The following ARSG variants were observed in gnomAD, a reference collection of about 807,000 sequenced individuals.
ARSG encodes the protein arylsulfatase G.
In ARSG, 37 loss-of-function variants were observed where a neutral mutation model predicts 50.5. The ratio of observed to expected loss-of-function variants is 0.73; its 90% CI spans 0.56 to 0.96. ARSG has a LOEUF of 0.96. ARSG is among the 50% of genes least tolerant of loss of function. The pLI is 0.00. For synonymous variants in ARSG, 225 were observed against 254.6 expected (o/e 0.88, Z 1.11); for missense variants, 629 against 675.3 (o/e 0.93, Z 0.76).
the ARSG span, chr17:68,436,348 G>C: frequency 6.3e-7 from 1 of 1,589,590 alleles, no homozygotes. Context: ...GCCAAGGCAG[G>C]TGGGTTGGCT....
chr17:68,399,011 C>T lies in ARSG; in HGVS notation c.1213-2349C>T, dbSNP rs1419869942. ...TGAAGGTGGTAACATCATCACTGGT[C>T]AGGTCGTGTCTTAGCCCCAGGTTGT... On this transcript the variant is annotated intron_variant, in intron 10 of 11. Coordinates refer to ENST00000621439, the MANE Select transcript of ARSG (RefSeq NM_001267727.2). The surrounding 1 kb of genome is among the most constrained non-coding windows in gnomAD (Gnocchi z 4.6). Among the ~76,000 whole-genome samples the T allele has an allele frequency of 6.6e-6, 1 of 152,164 alleles. No homozygotes were observed. Among genetic ancestry groups the T allele is most frequent in the Non-Finnish European group, 1.5e-5 (1 of 68,032 alleles).
At chr17:68,397,420 T>A (rs1447663469) in intron 10 of ARSG, among the ~76,000 whole-genome samples, 1 of 152,146 alleles carries the variant, frequency 6.6e-6, no homozygotes, top group Non-Finnish European at 1.5e-5. Flanking sequence ...TCCCAGAGCA[T>A]GCCTGCAGTG....
rs2075348666 is a variant in ARSG, at chr17:68,271,801, A to G, written c.-552+12375A>G. 1.5e-6 allele frequency: 1 copy of G among 651,344 alleles called. No homozygotes were observed. Among genetic ancestry groups the G allele is most frequent in the Non-Finnish European group, 2.6e-6 (1 of 380,312 alleles). 40.3% of individuals were successfully genotyped at this position (651,344 alleles called of 1,614,324 possible). A position where few individuals can be genotyped will look rare whatever the true frequency, so the allele number is the denominator to read the frequency against. The stretch of plus-strand genomic sequence containing the variant: ...ATACTCAGCAGTATGAATGTACTCA[A>G]TCTTTATTTATTTACTTTTTGAGAC... On this transcript the variant is annotated intron_variant, in intron 1 of 11. Coordinates refer to the ARSG transcript ENST00000448504. This position sits in a 1 kb window ranked among gnomAD's most constrained non-coding sequence, Gnocchi z 5.3.
intron 2 of ARSG, among the ~76,000 whole-genome samples, chr17:68,313,087 C>T (rs2076928478): frequency 6.6e-6 from 1 of 152,062 alleles, no homozygotes; most frequent in South Asian, 2.1e-4. Context: ...TGGTGAAACG[C>T]TGTCACTACT....
chr17:68,306,485 G>A (rs1555764123), intron 1 of ARSG, among the ~76,000 whole-genome samples: 1 of 152,222 alleles, frequency 6.6e-6, no homozygotes, highest in African/African-American at 2.4e-5. Flanking sequence ...TGAGCCAGGA[G>A]TTCAAGACTG....
At chr17:68,325,152 C>T (rs570493230) in intron 2 of ARSG, among the ~76,000 whole-genome samples, 17 of 152,278 alleles carry the variant, frequency 1.1e-4, no homozygotes, top group Non-Finnish European at 1.9e-4. Context: ...GTATTTACAG[C>T]CACTCCTCAT....
intron 2 of ARSG, among the ~76,000 whole-genome samples, chr17:68,309,360 A>G (rs571710940): frequency 8.3e-4 from 127 of 152,354 alleles, no homozygotes; most frequent in African/African-American, 3.0e-3. Context: ...GGGATCCTAC[A>G]GTGCAGCGGT....
chr17:68,420,290 G>A lies in ARSG; in HGVS notation c.1405G>A (p.Glu469Lys), dbSNP rs140835149. The change falls in exon 12 of 12, where the codon GAA (glutamate) becomes AAA (lysine). Residue 469 changes from glutamate to lysine, a missense_variant. Physicochemically the swap from Glu to Lys is moderately conservative, Grantham distance 56 (BLOSUM62 1). Transcript: ENST00000621439. ...CGATACCGCAGAAGCTGTGCCCCTA[G>A]AAAGAGGTGGTGCGGAGTACCAGGC... is the stretch of plus-strand genomic sequence containing the variant. Reference protein sequence around the residue: ...EDDTAEAVPLERGGAEYQAVL... With the variant: ...EDDTAEAVPLKRGGAEYQAVL... 1 of 1,614,030 alleles carries A rather than the reference G, an allele frequency of 6.2e-7. No individual in the cohort carries two copies. Among genetic ancestry groups the A allele is most frequent in the African/African-American group, 1.3e-5 (1 of 74,914 alleles).
chr17:68,320,204 G>A (rs965782381), intron 2 of ARSG, among the ~76,000 whole-genome samples: 1 of 151,810 alleles, frequency 6.6e-6, no homozygotes, highest in Non-Finnish European at 1.5e-5. Context: ...CAGGCGAATC[G>A]CTTAGAACCT....
In ARSG at chr17:68,399,913, G is replaced by A. The variant is rs1033588590; in HGVS notation, c.1213-1447G>A. Among the ~76,000 whole-genome samples, 4 of 152,130 alleles carry A rather than the reference G, an allele frequency of 2.6e-5. No homozygotes were observed. Among genetic ancestry groups the A allele is most frequent in the African/African-American group, 9.7e-5 (4 of 41,384 alleles). On this transcript the variant is annotated intron_variant, in intron 10 of 11. Coordinates refer to ENST00000621439, the MANE Select transcript of ARSG (RefSeq NM_001267727.2). The surrounding 1 kb of genome is among the most constrained non-coding windows in gnomAD (Gnocchi z 4.6). ...GGTGAAGAGGCTTGGCTTTCTGCAG[G>A]GATGGAAGAAGTGAGGGTTTTCAGT...
chr17:68,436,579 C>A, the ARSG span: 1 of 1,068,764 alleles, frequency 9.4e-7, no homozygotes, highest in Non-Finnish European at 1.4e-6. Context: ...GTGCCACCTA[C>A]TGGCAAGGGG....
At position 68,368,714 on chromosome 17, in the gene ARSG, G is replaced by T. The variant is rs746850638; in HGVS notation, c.871G>T (p.Val291Leu). 1.2e-6 allele frequency: 2 copies of T among 1,613,570 alleles called. No homozygotes were observed. The highest frequency in any genetic ancestry group is 2.7e-5 in the African/African-American group (2 of 74,918). ...GATCAAGGACAAAGTTGACCACACA[G>T]TGAAGGAAAACACATTCCTCTGGTT... The part of the protein sequence containing the change: ...GQIKDKVDHT[V>L]KENTFLWFTG... Residue 291 changes from valine to leucine, a missense_variant, in exon 7 of 12, where the codon GTG becomes TTG. By Grantham distance (32) the Val-to-Leu change is conservative (BLOSUM62 1). Transcript: ENST00000621439.
In ARSG at chr17:68,332,338, G is replaced by A. The variant is rs147503549; in HGVS notation, c.219-11266G>A. 2.0e-5 allele frequency among the ~76,000 whole-genome samples: 3 copies of A among 152,274 alleles called. No individual in the cohort carries two copies. In the East Asian group the frequency reaches 5.8e-4, roughly 29 times the overall value. On this transcript the variant is annotated intron_variant, in intron 2 of 11. Coordinates refer to ENST00000621439, the MANE Select transcript of ARSG (RefSeq NM_001267727.2). ...TTTAAGGTTATCTCCTTTGTTCCCT[G>A]AACATCGCTGTTACCCTGTTTTTTT...
chr17:68,340,653 G>C (rs2078228659), intron 2 of ARSG, among the ~76,000 whole-genome samples: 1 of 152,046 alleles, frequency 6.6e-6, no homozygotes, highest in African/African-American at 2.4e-5. Flanking sequence ...TTGACTCTTG[G>C]GTCTTTCTTT....
At chr17:68,291,127 T>G (rs2075970017), upstream of ARSG, 1 of 152,128 alleles carries the variant, frequency 6.6e-6, no homozygotes, top group Non-Finnish European at 1.5e-5. Context: ...AGGCTCCCAA[T>G]AAGGCGGAGG....
chr17:68,302,167 C>T (rs530684397), intron 1 of ARSG, among the ~76,000 whole-genome samples: 71 of 152,072 alleles, frequency 4.7e-4, no homozygotes, highest in Non-Finnish European at 8.7e-4. Context: ...TCCGACAACA[C>T]GTGAGCAGCT....
At chr17:68,395,517 G>A (rs1337752548) in intron 10 of ARSG, among the ~76,000 whole-genome samples, 5 of 152,172 alleles carry the variant, frequency 3.3e-5, no homozygotes, top group African/African-American at 1.2e-4. Flanking sequence ...GAACCCGGGA[G>A]GCAGAGGTTG....
At chr17:68,290,767 C>G (rs2075959046), upstream of ARSG, among the ~76,000 whole-genome samples, 1 of 152,188 alleles carries the variant, frequency 6.6e-6, no homozygotes, top group African/African-American at 2.4e-5. Context: ...TTCCGACGTC[C>G]CGGAGCCCCC....
At chr17:68,290,438 G>A (rs1201224533), upstream of ARSG, among the ~76,000 whole-genome samples, 1 of 152,254 alleles carries the variant, frequency 6.6e-6, no homozygotes, top group African/African-American at 2.4e-5. Context: ...TCCTGCGGTT[G>A]GCAGCCCGGG....
Sources: allele counts gnomAD v4.1 joint callset (sites outside exome capture counted in the v4.1 genomes callset), GRCh38; gene constraint gnomAD v4.1.1; non-coding constraint Gnocchi (gnomAD v3.1); transcripts MANE v1.5; gene names NCBI Gene and HGNC (gene_info 2026-07-23, HGNC 2026-07-21).